The following AFM variants were observed in gnomAD, a reference collection of about 807,000 sequenced individuals.
AFM encodes the protein afamin.
A neutral mutation model predicts 68.7 loss-of-function variants in AFM; 82 were observed. The ratio of observed to expected loss-of-function variants is 1.19; its 90% CI spans 1.00 to 1.43. The LOEUF (loss-of-function observed/expected upper bound fraction) is 1.43, where lower values mean the gene tolerates loss of function less well. Ranked by LOEUF, AFM falls within the 40% of genes most tolerant of loss-of-function variation. AFM has a pLI of 0.00. For missense variants in AFM, 772 were observed against 701.8 expected (o/e 1.10, Z -1.13); for synonymous variants, 250 against 234.2 (o/e 1.07, Z -0.61).
At chr4:73,486,933 C>G (rs1198292988) in intron 4 of AFM, 34 bp from the exon 5 acceptor site, 2 of 1,599,884 alleles carry the variant, frequency 1.3e-6, no homozygotes, top group Admixed American at 3.4e-5. Flanking sequence ...TCTTCCCTCA[C>G]CCGTCTTCTC....
intron 3 of AFM, among the ~76,000 whole-genome samples, chr4:73,485,247 A>G (rs1720858485): frequency 6.6e-6 from 1 of 152,188 alleles, no homozygotes; most frequent in Non-Finnish European, 1.5e-5. Context: ...CTACCAATAC[A>G]TTAACATACC....
intron 8 of AFM, 109 bp downstream of exon 8, chr4:73,492,195 G>A: frequency 1.0e-6 from 1 of 966,438 alleles, no homozygotes; most frequent in African/African-American, 1.7e-5. Flanking sequence ...ATTTCACTAG[G>A]TATCATATAA....
chr4:73,488,579 G>A, intron 6 of AFM, 51 bp from the exon 7 acceptor site: 1 of 1,543,166 alleles, frequency 6.5e-7, no homozygotes. Context: ...ACTCCCACTT[G>A]TTCTACTTGC....
In AFM at chr4:73,503,063, G is replaced by A. The variant is rs1308025899; in HGVS notation, c.1793G>A (p.Gly598Asp). 8.1e-6 allele frequency: 13 copies of A among 1,612,914 alleles called. No individual in the cohort carries two copies. The highest frequency in any genetic ancestry group is 1.0e-5 in the Non-Finnish European group (12 of 1,179,350). Residue 598 changes from glycine (G) to aspartate (D), a missense_variant, in exon 14 of 15, where the codon GGC (glycine) becomes GAC (aspartate). Physicochemically the swap from Gly to Asp is moderately conservative, Grantham distance 94. Transcript: ENST00000226355. ...VCFNEESPKI[G>D]N ...CCCTCACCTCAGAGTCCAAAAATTGGCAACTGAAGCCAGCTGCTGGAGATA... is the reference window on the plus strand; with the variant it reads ...CCCTCACCTCAGAGTCCAAAAATTGACAACTGAAGCCAGCTGCTGGAGATA...
At chr4:73,499,575 A>C (rs1721361928) in intron 11 of AFM, among the ~76,000 whole-genome samples, 1 of 152,198 alleles carries the variant, frequency 6.6e-6, no homozygotes, top group South Asian at 2.1e-4. Context: ...GTAAGGTTAC[A>C]GATTCTTCCT....
At chr4:73,490,857 G>A (rs1721051093) in intron 7 of AFM, among the ~76,000 whole-genome samples, 1 of 152,198 alleles carries the variant, frequency 6.6e-6, no homozygotes, top group African/African-American at 2.4e-5. Context: ...CATTACATGA[G>A]ATGTAAATGT....
At chr4:73,483,723 C>T (rs534466811) in intron 1 of AFM, among the ~76,000 whole-genome samples, 6 of 152,318 alleles carry the variant, frequency 3.9e-5, no homozygotes, top group South Asian at 4.1e-4. Context: ...TAGGTCAATT[C>T]AATTTGGTAA....
chr4:73,487,212 G>C, intron 5 of AFM, 113 bp downstream of exon 5: 1 of 1,124,850 alleles, frequency 8.9e-7, no homozygotes, highest in Non-Finnish European at 1.2e-6. Context: ...ATGTTCTCTT[G>C]TCACATTCAG....
chr4:73,483,894 G>T, intron 1 of AFM, 47 bp from the exon 2 acceptor site: 1 of 1,435,424 alleles, frequency 7.0e-7, no homozygotes, highest in Non-Finnish European at 9.5e-7. Flanking sequence ...TTTGAAAAAT[G>T]TTAGAAAACC....
rs1215355820 is a variant in AFM, at chr4:73,488,623, T to C, written c.714-7T>C. ...TTATTTTTGTGGTTTATCAATTCTC[T>C]TTCCAGATATATTGCGATACTCAGT... On this transcript the variant is annotated splice_polypyrimidine_tract_variant and splice_region_variant and intron_variant, in intron 6 of 14. Coordinates refer to ENST00000226355, the MANE Select transcript of AFM (RefSeq NM_001133.2). The C allele has an allele frequency of 6.2e-7, 1 of 1,601,086 alleles. No individual in the cohort carries two copies. Among genetic ancestry groups the C allele is most frequent in the Middle Eastern group, 1.7e-4 (1 of 6,018 alleles).
intron 7 of AFM, among the ~76,000 whole-genome samples, chr4:73,491,663 T>C (rs1436212015): frequency 1.3e-5 from 2 of 152,240 alleles, no homozygotes. Context: ...TTCATAATTA[T>C]ATCATCTTAA....
At chr4:73,484,440 C>CTCTCTCTT in intron 3 of AFM, 50 bp downstream of exon 3, 1 of 1,076,014 alleles carries the variant, frequency 9.3e-7, no homozygotes, top group Non-Finnish European at 1.2e-6. Flanking sequence ...GTCTTTCTTT[C>CTCTCTCTT]TCTTTCTTTC....
chr4:73,494,573 C>T (rs957590314), intron 8 of AFM, among the ~76,000 whole-genome samples: 10 of 152,078 alleles, frequency 6.6e-5, no homozygotes, highest in Non-Finnish European at 8.8e-5. Context: ...TTAGTTTCCT[C>T]AGTTGTAAAA....
chr4:73,498,975 T>C, intron 10 of AFM, 139 bp from the exon 11 acceptor site: 1 of 721,476 alleles, frequency 1.4e-6, no homozygotes, highest in Non-Finnish European at 2.1e-6. Flanking sequence ...CATATTTCTC[T>C]ACTTTATGAG....
At chr4:73,484,430 GTCTTTCTTTCTCTTTCTTTCTT>G (rs1720808463) in intron 3 of AFM, 40 bp downstream of exon 3, 7 of 1,367,172 alleles carry the variant, frequency 5.1e-6, no homozygotes, top group South Asian at 1.9e-5. Flanking sequence ...TTTATCTTAT[GTCTTTCTTTCTCTTTCTTTCTT>G]TCTTTCTTTC....
At position 73,500,171 on chromosome 4, in the gene AFM, C is replaced by T. The variant is rs376622868; in HGVS notation, c.1590C>T (p.Thr530=). Reference sequence around the variant, plus strand: ...CACCTTTCTCTCAAGATTTATTTACCTTTCACGCAGACATGTGTCAATCTC... The same window carrying T: ...CACCTTTCTCTCAAGATTTATTTACTTTTCACGCAGACATGTGTCAATCTC... ...VPPPFSQDLF[T]FHADMCQSQN... Residue 530 remains threonine, a synonymous_variant, in exon 12 of 15, where the codon ACC becomes ACT. Coordinates refer to ENST00000226355, the MANE Select transcript of AFM (RefSeq NM_001133.2). The T allele has an allele frequency of 8.6e-5, 138 of 1,613,866 alleles. No homozygotes were observed. The South Asian group carries it at 1.4e-3, about 16-fold the overall frequency.
chr4:73,500,451 AG>A (rs1484094148), intron 12 of AFM, among the ~76,000 whole-genome samples: 1 of 152,102 alleles, frequency 6.6e-6, no homozygotes, highest in African/African-American at 2.4e-5. Context: ...GGAATGTCCA[AG>A]TCTAACATTA....
intron 11 of AFM, 41 bp from the exon 12 acceptor site, chr4:73,499,963 G>A (rs1721380837): frequency 1.3e-6 from 2 of 1,539,956 alleles, no homozygotes; most frequent in Non-Finnish European, 1.8e-6. Flanking sequence ...TTCCATTCAA[G>A]TTTTAAGATC....
chr4:73,494,530 C>A (rs1051609924), intron 8 of AFM, among the ~76,000 whole-genome samples: 26 of 152,206 alleles, frequency 1.7e-4, no homozygotes, highest in African/African-American at 6.0e-4. Flanking sequence ...TTATATCTTC[C>A]ATTGATAGGA....
Sources: gnomAD v4.1 joint callset for allele counts (sites outside exome capture counted in the v4.1 genomes callset) on GRCh38, gnomAD v4.1.1 for gene constraint, MANE v1.5 for transcripts, NCBI Gene and HGNC (gene_info 2026-07-23, HGNC 2026-07-21) for gene names.